Variants in CHST8 observed in about 807,000 individuals in gnomAD.
CHST8 encodes GALNAC-4-ST1.
CHST8 carries 10 observed loss-of-function variants against 15.0 expected under a neutral mutation model. The ratio of observed to expected loss-of-function variants is 0.67; its 90% CI spans 0.41 to 1.13. CHST8 has a LOEUF of 1.13. Among genes scored for constraint, CHST8 ranks in the 50% most tolerant of loss-of-function variants. The pLI, the probability that CHST8 is intolerant of heterozygous loss-of-function variation, is 0.00. For missense variants in CHST8, 634 were observed against 608.2 expected (o/e 1.04, Z -0.45); for synonymous variants, 259 against 256.6 (o/e 1.01, Z -0.09).
intron 1 of CHST8, among the ~76,000 whole-genome samples, chr19:33,626,333 C>T (rs1972053070): frequency 6.6e-6 from 1 of 152,102 alleles, no homozygotes; most frequent in South Asian, 2.1e-4. Flanking sequence ...CAGCCTGGGC[C>T]ACCGAGAGAC....
rs188428588 is a variant in CHST8, at chr19:33,728,886, G to A, written c.130+39495G>A. Among the ~76,000 whole-genome samples, 21 of 152,322 alleles carry A rather than the reference G, an allele frequency of 1.4e-4. No individual in the cohort carries two copies. In the East Asian group the frequency reaches 3.5e-3, roughly 25 times the overall value. Reference sequence around the variant, plus strand: ...CCAGTGAGGGAGACTCAGTCATGAGGACAGAGGTGAGCTCCATAGGGTGCT... The same window carrying A: ...CCAGTGAGGGAGACTCAGTCATGAGAACAGAGGTGAGCTCCATAGGGTGCT... On this transcript the variant is annotated intron_variant, in intron 3 of 4. Transcript: ENST00000650847.
chr19:33,731,695 C>G (rs543190528), intron 3 of CHST8, among the ~76,000 whole-genome samples: 1 of 152,168 alleles, frequency 6.6e-6, no homozygotes, highest in African/African-American at 2.4e-5. Flanking sequence ...TGGAGTCACT[C>G]TAGTTCAAAC....
chr19:33,624,734 A>G (rs992133755), intron 1 of CHST8, among the ~76,000 whole-genome samples: 1 of 152,208 alleles, frequency 6.6e-6, no homozygotes, highest in Non-Finnish European at 1.5e-5. Context: ...AGTTCCTGCC[A>G]GAGGCAGCCT....
At chr19:33,754,250 T>C (rs1025937441) in intron 3 of CHST8, among the ~76,000 whole-genome samples, 2 of 149,846 alleles carry the variant, frequency 1.3e-5, no homozygotes, top group Non-Finnish European at 3.0e-5. Context: ...GGCAGTCAAG[T>C]GTGCTATGAG....
rs77451786 is a variant in CHST8 at position 33,697,618 on chromosome 19, G to A, written c.130+8227G>A. Among the ~76,000 whole-genome samples the A allele has an allele frequency of 9.9e-3, 1,502 of 152,266 alleles. 23 individuals are homozygous for A. Among genetic ancestry groups the A allele is most frequent in the African/African-American group, 0.033 (1,373 of 41,540 alleles). Reference sequence around the variant, plus strand: ...ATTGAGGTAAGAGAGGCTAAGAACCGTACCCAAGGCCACGCAGCTTCTGGG... The same window carrying A: ...ATTGAGGTAAGAGAGGCTAAGAACCATACCCAAGGCCACGCAGCTTCTGGG... On this transcript the variant is annotated intron_variant, in intron 3 of 4. Coordinates refer to ENST00000650847, the MANE Select transcript of CHST8 (RefSeq NM_001127895.2).
chr19:33,638,157 A>G (rs1972230162), intron 1 of CHST8, among the ~76,000 whole-genome samples: 3 of 152,142 alleles, frequency 2.0e-5, no homozygotes, highest in Non-Finnish European at 2.9e-5. Flanking sequence ...CTGGTCGGAA[A>G]GTGTTTAACA....
intron 1 of CHST8, among the ~76,000 whole-genome samples, chr19:33,624,966 A>G (rs77583711): frequency 0.025 from 3,871 of 152,212 alleles, 174 homozygotes; most frequent in African/African-American, 0.087. Context: ...GCTGCTTTGC[A>G]GCTTGGAAAA....
intron 3 of CHST8, among the ~76,000 whole-genome samples, chr19:33,734,628 C>T (rs550711610): frequency 7.9e-5 from 12 of 152,276 alleles, no homozygotes; most frequent in Non-Finnish European, 1.6e-4. Flanking sequence ...GTCCCAACTG[C>T]AGGAGCTCAG....
chr19:33,744,935 T>C (rs1974283735), intron 3 of CHST8, among the ~76,000 whole-genome samples: 1 of 152,020 alleles, frequency 6.6e-6, no homozygotes, highest in Non-Finnish European at 1.5e-5. Context: ...TTTTAGTAGA[T>C]ATGGGGTTTC....
intron 3 of CHST8, among the ~76,000 whole-genome samples, chr19:33,700,296 A>G (rs962003765): frequency 1.3e-5 from 2 of 152,264 alleles, no homozygotes; most frequent in African/African-American, 4.8e-5. Context: ...CAGAAGTGAC[A>G]TGTAATTGCA....
At chr19:33,684,606 G>A (rs1972942295) in intron 2 of CHST8, 1 of 152,344 alleles carries the variant, frequency 6.6e-6, no homozygotes, top group Non-Finnish European at 1.5e-5. Context: ...TTTTTAATGA[G>A]CTGAAATCAA....
intron 3 of CHST8, among the ~76,000 whole-genome samples, chr19:33,717,996 C>T (rs1973694120): frequency 6.6e-6 from 1 of 152,120 alleles, no homozygotes; most frequent in African/African-American, 2.4e-5. Flanking sequence ...CAGTCTCCAT[C>T]CTGGCAGAAG....
intron 3 of CHST8, among the ~76,000 whole-genome samples, chr19:33,758,609 C>T (rs958499033): frequency 7.9e-5 from 12 of 152,204 alleles, no homozygotes; most frequent in Non-Finnish European, 1.8e-4. Flanking sequence ...ATCCCAAGGC[C>T]GGCTGGAGCT....
intron 1 of CHST8, among the ~76,000 whole-genome samples, chr19:33,625,335 C>A (rs1452395668): frequency 8.2e-6 from 1 of 122,474 alleles, no homozygotes; most frequent in East Asian, 3.0e-4. Context: ...CCCACCTTGG[C>A]CTCCCAGAGT....
intron 3 of CHST8, among the ~76,000 whole-genome samples, chr19:33,703,903 A>T (rs1973392296): frequency 6.6e-6 from 1 of 152,208 alleles, no homozygotes. Flanking sequence ...AAATCGGTTC[A>T]GTTGTGCCCT....
intron 3 of CHST8, among the ~76,000 whole-genome samples, chr19:33,737,371 A>G (rs754506863): frequency 6.6e-6 from 1 of 152,168 alleles, no homozygotes; most frequent in African/African-American, 2.4e-5. Context: ...CCCTGTGACA[A>G]TTCCATCCCC....
intron 1 of CHST8, among the ~76,000 whole-genome samples, chr19:33,650,513 C>CTTTTTTTTTTTTTTTTT (rs1356639318): frequency 1.4e-4 from 5 of 36,842 alleles, no homozygotes; most frequent in Non-Finnish European, 2.1e-4. Context: ...TTTTCTTTTT[C>CTTTTTTTTTTTTTTTTT]TTTTCTTTTT....
At chr19:33,633,010 T>C (rs1392868461) in intron 1 of CHST8, among the ~76,000 whole-genome samples, 1 of 152,034 alleles carries the variant, frequency 6.6e-6, no homozygotes, top group Admixed American at 6.5e-5. Flanking sequence ...TTTGTATTTT[T>C]AGTAGAGACG....
chr19:33,693,625 G>A (rs1973141942), intron 3 of CHST8, among the ~76,000 whole-genome samples: 1 of 152,126 alleles, frequency 6.6e-6, no homozygotes, highest in Non-Finnish European at 1.5e-5. Flanking sequence ...GGTTCCTATA[G>A]AACTTTCTGT....
Sources: allele counts gnomAD v4.1 joint callset (sites outside exome capture counted in the v4.1 genomes callset), GRCh38; gene constraint gnomAD v4.1.1; transcripts MANE v1.5; gene names NCBI Gene and HGNC (gene_info 2026-07-23, HGNC 2026-07-21).